Variants in IFT43 observed in about 807,000 individuals in gnomAD.
IFT43 encodes the protein intraflagellar transport 43, also known as intraflagellar transport protein 43 homolog.
In IFT43, 33 loss-of-function variants were observed where a neutral mutation model predicts 32.3. The ratio of observed to expected loss-of-function variants is 1.02; its 90% CI spans 0.77 to 1.37. IFT43 has a LOEUF of 1.37. Among genes scored for constraint, IFT43 ranks in the 40% most tolerant of loss-of-function variants. IFT43 has a pLI of 0.00. For synonymous variants in IFT43, 93 were observed against 98.2 expected, an observed-to-expected ratio of 0.95 and a Z score of 0.31; for missense variants, 274 against 265.9, an observed-to-expected ratio of 1.03 and a Z score of -0.21.
At chr14:76,081,660 G>A (rs777676350) in intron 5 of IFT43, among the ~76,000 whole-genome samples, 3 of 152,196 alleles carry the variant, frequency 2.0e-5, no homozygotes, top group Non-Finnish European at 4.4e-5. Context: ...AAAATCTTGA[G>A]ACAGCAAGAA....
intron 7 of IFT43, among the ~76,000 whole-genome samples, chr14:76,082,950 A>T (rs981196910): frequency 2.7e-5 from 4 of 149,882 alleles, no homozygotes; most frequent in Non-Finnish European, 5.9e-5. Context: ...ATGGCACCCC[A>T]CTCCCCTCTG....
chr14:76,006,025 TTG>T (rs1299035196), intron 2 of IFT43, among the ~76,000 whole-genome samples: 6 of 152,160 alleles, frequency 3.9e-5, no homozygotes, highest in Non-Finnish European at 8.8e-5. Flanking sequence ...CAGAGACAGT[TTG>T]TGTCCATTTT....
chr14:76,074,410 C>T (rs1014987610), intron 5 of IFT43, among the ~76,000 whole-genome samples: 1 of 152,172 alleles, frequency 6.6e-6, no homozygotes, highest in Admixed American at 6.5e-5. Context: ...TGCAGGACTC[C>T]GTTCTTCGTT....
chr14:76,024,188 T>G (rs2036346590), intron 3 of IFT43, among the ~76,000 whole-genome samples: 1 of 152,254 alleles, frequency 6.6e-6, no homozygotes, highest in Non-Finnish European at 1.5e-5. Flanking sequence ...AACAGAAATC[T>G]CTGTGAGATC....
chr14:76,034,478 G>A (rs533682847), intron 3 of IFT43, among the ~76,000 whole-genome samples: 2 of 152,226 alleles, frequency 1.3e-5, no homozygotes, highest in East Asian at 1.9e-4. Context: ...TATTCAGTCC[G>A]TAGCAGCACC....
chr14:76,075,377 G>A (rs2037394636), intron 5 of IFT43, among the ~76,000 whole-genome samples: 1 of 151,960 alleles, frequency 6.6e-6, no homozygotes, highest in Non-Finnish European at 1.5e-5. Context: ...TTCGAGGAGT[G>A]CAGGGGACCG....
intron 2 of IFT43, among the ~76,000 whole-genome samples, chr14:76,021,437 T>C (rs2036290066): frequency 6.6e-6 from 1 of 152,234 alleles, no homozygotes; most frequent in African/African-American, 2.4e-5. Context: ...CTGTCAGTCA[T>C]GTACATATAA....
chr14:76,058,740 G>A (rs1277244255), intron 4 of IFT43, 66 bp downstream of exon 4: 1 of 1,607,780 alleles, frequency 6.2e-7, no homozygotes, highest in Non-Finnish European at 8.5e-7. Flanking sequence ...TGCAGTCTTG[G>A]TGGTCATGAT....
At chr14:76,049,336 T>C (rs1025886143) in intron 3 of IFT43, among the ~76,000 whole-genome samples, 43 of 152,264 alleles carry the variant, frequency 2.8e-4, no homozygotes, top group African/African-American at 1.0e-3. Flanking sequence ...CCAGTGTTTC[T>C]TTAACACTTC....
intron 2 of IFT43, among the ~76,000 whole-genome samples, chr14:76,014,638 A>T (rs1405836163): frequency 6.6e-6 from 1 of 151,882 alleles, no homozygotes; most frequent in East Asian, 1.9e-4. Flanking sequence ...GACAAGCCCC[A>T]CTTTGCCCAT....
At chr14:76,043,846 A>G (rs1429657092) in intron 3 of IFT43, among the ~76,000 whole-genome samples, 2 of 152,178 alleles carry the variant, frequency 1.3e-5, no homozygotes, top group Non-Finnish European at 2.9e-5. Context: ...GCTGAGTCCC[A>G]CAAGACTGTC....
intron 3 of IFT43, among the ~76,000 whole-genome samples, chr14:76,040,126 A>T (rs948162872): frequency 2.3e-4 from 35 of 150,146 alleles, no homozygotes; most frequent in Non-Finnish European, 3.9e-4. Context: ...CTAATTTTTT[A>T]TTTTTTTTTG....
chr14:76,007,180 A>G (rs527559074), intron 2 of IFT43, among the ~76,000 whole-genome samples: 5 of 152,246 alleles, frequency 3.3e-5, no homozygotes, highest in South Asian at 2.1e-4. Flanking sequence ...TTCAAATGGT[A>G]TATAGTAGGG....
At chr14:76,064,162 C>A (rs1382694147) in intron 5 of IFT43, among the ~76,000 whole-genome samples, 1 of 152,172 alleles carries the variant, frequency 6.6e-6, no homozygotes, top group African/African-American at 2.4e-5. Flanking sequence ...GATCTTCCTC[C>A]TTAGCACTAC....
chr14:76,040,127 T>C (rs1464475921), intron 3 of IFT43, among the ~76,000 whole-genome samples: 3 of 148,752 alleles, frequency 2.0e-5, no homozygotes, highest in Admixed American at 1.3e-4. Flanking sequence ...TAATTTTTTA[T>C]TTTTTTTTGT....
chr14:76,034,214 G>T (rs2036558220), intron 3 of IFT43, among the ~76,000 whole-genome samples: 1 of 152,166 alleles, frequency 6.6e-6, no homozygotes, highest in Non-Finnish European at 1.5e-5. Flanking sequence ...TGATTCTGGA[G>T]GCTGGAAATC....
chr14:76,016,595 T>A (rs1449217226), intron 2 of IFT43, among the ~76,000 whole-genome samples: 1 of 152,158 alleles, frequency 6.6e-6, no homozygotes, highest in Admixed American at 6.5e-5. Flanking sequence ...CTGTGAAGAA[T>A]ATCGTGGGTA....
At chr14:76,013,710 G>A (rs2036128857) in intron 2 of IFT43, 2 of 345,838 alleles carry the variant, frequency 5.8e-6, no homozygotes, top group Non-Finnish European at 1.1e-5. Flanking sequence ...GAAGGAGCTT[G>A]AAGAAATCCG....
At chr14:76,020,879 G>A (rs1050271049) in intron 2 of IFT43, among the ~76,000 whole-genome samples, 1 of 152,102 alleles carries the variant, frequency 6.6e-6, no homozygotes, top group Non-Finnish European at 1.5e-5. Flanking sequence ...TGGCAGTGGT[G>A]GGCCAGGTGA....
Sources: gnomAD v4.1 joint callset for allele counts (sites outside exome capture counted in the v4.1 genomes callset) on GRCh38, gnomAD v4.1.1 for gene constraint, MANE v1.5 for transcripts, NCBI Gene and HGNC (gene_info 2026-07-23, HGNC 2026-07-21) for gene names.